DGKZ: variants seen among roughly 807,000 people sequenced by gnomAD.
DGKZ encodes diacylglycerol kinase zeta, also known as DAG kinase zeta.
A neutral mutation model predicts 142.5 loss-of-function variants in DGKZ; 45 were observed. The ratio of observed to expected loss-of-function variants is 0.32; its 90% confidence interval spans 0.25 to 0.40. The LOEUF (loss-of-function observed/expected upper bound fraction) is 0.40. DGKZ is among the 10% of genes least tolerant of loss of function. DGKZ has a pLI of 1.00. For missense variants in DGKZ, 755 were observed against 1,306.5 expected (o/e 0.58, Z 6.51); for synonymous variants, 442 against 527.0 (o/e 0.84, Z 2.21).
chr11:46,369,188 CA>C (rs34455497), intron 4 of DGKZ: 85,182 of 412,394 alleles, frequency 0.21, 10,717 homozygotes, highest in African/African-American at 0.5. Flanking sequence ...AAAACAAAAA[CA>C]AAAAAAAAAC....
In DGKZ at chr11:46,376,688, T is replaced by A. The variant is rs1182104219; in HGVS notation, c.2202+124T>A. ...CTCTGTCCTCATGCCTCTGAGAGCTTTTACTATTGCCTGTGTGCATGGACA... is the reference window on the plus strand; with the variant it reads ...CTCTGTCCTCATGCCTCTGAGAGCTATTACTATTGCCTGTGTGCATGGACA... On this transcript the variant is annotated intron_variant, in intron 24 of 30. Coordinates refer to ENST00000527911, the Ensembl canonical transcript of DGKZ. 2.3e-6 allele frequency: 3 copies of A among 1,302,798 alleles called. No individual in the cohort carries two copies. The Admixed American group carries it at 5.4e-5, about 23-fold the overall frequency. The allele number at this position is 1,302,798 out of a possible 1,614,324, so 80.7% of individuals were successfully genotyped here. A position where few individuals can be genotyped will look rare whatever the true frequency, so the allele number is the denominator to read the frequency against.
chr11:46,360,289 C>G (rs1942497588), intron 1 of DGKZ, among the ~76,000 whole-genome samples: 1 of 152,062 alleles, frequency 6.6e-6, no homozygotes. Flanking sequence ...TAGTAAGTAT[C>G]TTAAACATTT....
intron 1 of DGKZ, among the ~76,000 whole-genome samples, chr11:46,363,057 CAG>C (rs1207752479): frequency 6.6e-6 from 1 of 152,180 alleles, no homozygotes; most frequent in Non-Finnish European, 1.5e-5. Flanking sequence ...TTGAAGCCCT[CAG>C]GGTGACCTTT....
chr11:46,358,137 G>A (rs945584684), intron 1 of DGKZ, among the ~76,000 whole-genome samples: 1 of 151,874 alleles, frequency 6.6e-6, no homozygotes, highest in Non-Finnish European at 1.5e-5. Flanking sequence ...TTTTTTTGCT[G>A]TGCTGATGGC....
chr11:46,373,653 A>T (rs931007375), intron 14 of DGKZ, among the ~76,000 whole-genome samples: 1 of 151,554 alleles, frequency 6.6e-6, no homozygotes, highest in African/African-American at 2.4e-5. Context: ...ACCCGCCACC[A>T]CACCCGGCTA....
intron 1 of DGKZ, among the ~76,000 whole-genome samples, chr11:46,361,158 A>T (rs1017943747): frequency 5.9e-5 from 9 of 152,192 alleles, no homozygotes; most frequent in Non-Finnish European, 8.8e-5. Context: ...TATTTTTGTG[A>T]TTGTTTTGTC....
upstream of DGKZ, among the ~76,000 whole-genome samples, chr11:46,343,790 A>G (rs1940395219): frequency 6.6e-6 from 1 of 152,092 alleles, no homozygotes; most frequent in Admixed American, 6.6e-5. Flanking sequence ...TCCACCTAGA[A>G]TGCTATTCTC....
intron 5 of DGKZ, 171 bp downstream of exon 5, chr11:46,369,721 G>A (rs760047840): frequency 4.1e-6 from 4 of 966,912 alleles, no homozygotes; most frequent in African/African-American, 1.6e-5. Flanking sequence ...CTGCGGAGTG[G>A]GTGGGACAGC....
intron 24 of DGKZ, 142 bp from the exon 25 acceptor site, chr11:46,376,931 G>T: frequency 1.4e-6 from 1 of 725,532 alleles, no homozygotes; most frequent in Non-Finnish European, 2.3e-6. Context: ...GAGTGGGAGA[G>T]GGACAGGCAG....
In DGKZ at chr11:46,347,728, C is replaced by G. The variant is rs1354543998; in HGVS notation, c.69C>G (p.Ser23Arg). Residue 23 changes from serine (S) to arginine (R), a missense_variant, in exon 1 of 31, where the codon AGC becomes AGG. Around this residue, in one of 8 missense-constraint regions of DGKZ, gnomAD observed 28 missense variants for 92.8 expected, o/e 0.30. Coordinates refer to ENST00000527911, the Ensembl canonical transcript of DGKZ. The surrounding 1 kb of genome is among the most constrained non-coding windows in gnomAD (Gnocchi z 6.4). Reference sequence around the variant, plus strand: ...CCGAGTCGGCTTCCGCCTCGTCCAGCGGCTCCGAGCGCGACGCCGGTCCCG... The same window carrying G: ...CCGAGTCGGCTTCCGCCTCGTCCAGGGGCTCCGAGCGCGACGCCGGTCCCG... 15 of 1,454,582 alleles carry G rather than the reference C, an allele frequency of 1.0e-5. No individual in the cohort carries two copies. Among genetic ancestry groups the G allele is most frequent in the Non-Finnish European group, 1.4e-5 (15 of 1,107,830 alleles). The allele number at this position is 1,454,582 out of a possible 1,614,324, so 90.1% of individuals were successfully genotyped here.
exon 30 of DGKZ, chr11:46,379,565 G>C: frequency 6.2e-7 from 1 of 1,606,554 alleles, no homozygotes; most frequent in Non-Finnish European, 8.5e-7. Context: ...AGACAGACCA[G>C]CAGGTGAGCA....
chr11:46,355,850 G>T (rs571738655), intron 1 of DGKZ, among the ~76,000 whole-genome samples: 2 of 152,004 alleles, frequency 1.3e-5, no homozygotes, highest in Non-Finnish European at 2.9e-5. Flanking sequence ...AGGTTCAAGC[G>T]ATTCACCTGC....
Position 46,372,224 on chromosome 11 carries a change from C to G in DGKZ, c.927+54C>G. The G allele has an allele frequency of 1.3e-6, 2 of 1,492,280 alleles. No homozygotes were observed. Among genetic ancestry groups the G allele is most frequent in the Non-Finnish European group, 1.8e-6 (2 of 1,100,962 alleles). The allele number at this position is 1,492,280 out of a possible 1,614,324, so 92.4% of individuals were successfully genotyped here. On this transcript the variant is annotated intron_variant, in intron 10 of 30. Coordinates refer to ENST00000527911, the Ensembl canonical transcript of DGKZ. The surrounding 1 kb of genome is among the most constrained non-coding windows in gnomAD (Gnocchi z 5.9). ...GGCTCGGGCGGGGGTTGGGGTCCAG[C>G]CCGTCTGCCAGCAGCTGTTCCCAGA...
At position 46,356,673 on chromosome 11, in the gene DGKZ, G is replaced by A. The variant is rs960690945; in HGVS notation, c.161+8853G>A. On this transcript the variant is annotated intron_variant, in intron 1 of 30. Transcript: ENST00000527911. ...TGTTTTGTTTGCCAGAAGCATCCAG[G>A]GTGGAGCCTGAGGGGTCGAGGGTAT... Among the ~76,000 whole-genome samples the A allele has an allele frequency of 2.0e-5, 3 of 152,226 alleles. No individual in the cohort carries two copies. The South Asian group carries it at 6.2e-4, about 32-fold the overall frequency.
At chr11:46,363,866 A>G (rs1942963607) in intron 1 of DGKZ, among the ~76,000 whole-genome samples, 1 of 152,148 alleles carries the variant, frequency 6.6e-6, no homozygotes, top group Admixed American at 6.5e-5. Context: ...TCTTCCCCTG[A>G]CACAAAGCAG....
chr11:46,343,647 G>T (rs977497289), upstream of DGKZ, among the ~76,000 whole-genome samples: 1 of 152,222 alleles, frequency 6.6e-6, no homozygotes, highest in Non-Finnish European at 1.5e-5. Context: ...CTCCAGCACA[G>T]TTTGGCCTCT....
chr11:46,375,168 C>T, intron 19 of DGKZ, 123 bp downstream of exon 19: 1 of 1,013,744 alleles, frequency 9.9e-7, no homozygotes, highest in South Asian at 1.7e-5. Context: ...TTGTCTCATT[C>T]CTCTGGCTTG....
exon 27 of DGKZ, chr11:46,378,494 C>T: frequency 1.2e-6 from 2 of 1,611,224 alleles, no homozygotes; most frequent in East Asian, 2.2e-5. Context: ...GGAACGACTT[C>T]TGTAAGGTAC....
chr11:46,333,186 C>T (rs955167579), exon 1 of DGKZ: 1 of 1,148,562 alleles, frequency 8.7e-7, no homozygotes, highest in African/African-American at 1.6e-5. Flanking sequence ...CCCTCCCCGC[C>T]TCGCGTCCCC....
Sources: allele counts gnomAD v4.1 joint callset (sites outside exome capture counted in the v4.1 genomes callset), GRCh38; gene constraint gnomAD v4.1.1; regional missense constraint gnomAD v4.1.1; non-coding constraint Gnocchi (gnomAD v3.1); transcripts MANE v1.5; gene names NCBI Gene and HGNC (gene_info 2026-07-23, HGNC 2026-07-21).